MYO1E: variants seen among roughly 807,000 people sequenced by gnomAD.
The protein encoded by MYO1E is myosin IE.
A neutral mutation model predicts 151.1 loss-of-function variants in MYO1E; 68 were observed. The observed-to-expected ratio is 0.45, with a 90% CI of 0.37 to 0.55. MYO1E has a LOEUF of 0.55. Among genes scored for constraint, MYO1E ranks in the 20% least tolerant of loss-of-function variants. MYO1E has a pLI of 0.00. For synonymous variants in MYO1E, 601 were observed against 501.7 expected, an observed-to-expected ratio of 1.20 and a Z score of -2.64; for missense variants, 1,363 against 1,389.3, an observed-to-expected ratio of 0.98 and a Z score of 0.30.
At chr15:59,220,590 T>C (rs527557036) in intron 9 of MYO1E, among the ~76,000 whole-genome samples, 1 of 150,834 alleles carries the variant, frequency 6.6e-6, no homozygotes, top group African/African-American at 2.5e-5. Context: ...GAAAGTCTGC[T>C]TTTTTCCATT....
In MYO1E at chr15:59,282,769, G is replaced by A. The variant is rs115841328; in HGVS notation, c.4-10320C>T. On this transcript the variant is annotated intron_variant, in intron 1 of 27. Coordinates refer to ENST00000288235, the MANE Select transcript of MYO1E (RefSeq NM_004998.4). ...AGCCGGAGGCAGGAGGATCGCTTAA[G>A]CTCAGGAGGTCAAGGCTGCAGTGAG... is the stretch of plus-strand genomic sequence containing the variant. 6.8e-3 allele frequency among the ~76,000 whole-genome samples: 1,001 copies of A among 148,234 alleles called. 17 individuals are homozygous for A. Among genetic ancestry groups the A allele is most frequent in the African/African-American group, 0.024 (953 of 39,990 alleles).
chr15:59,370,577 A>C (rs186617899), intron 1 of MYO1E, among the ~76,000 whole-genome samples: 1 of 152,324 alleles, frequency 6.6e-6, no homozygotes, highest in East Asian at 1.9e-4. Context: ...GCCCATCAAT[A>C]GGGAAGTCAC....
rs138309966 is a variant in MYO1E at position 59,202,022 on chromosome 15, C to T, written c.1698+304G>A. Among the ~76,000 whole-genome samples the T allele has an allele frequency of 2.2e-4, 34 of 152,316 alleles. No individual in the cohort carries two copies. In the East Asian group the frequency reaches 6.6e-3, roughly 29 times the overall value. On this transcript the variant is annotated intron_variant, in intron 16 of 27. Transcript: ENST00000288235. Reference sequence around the variant, plus strand: ...ATGGCTCCGAACCATATTTCTCTGACAGTTTAACATAAATTCTTCCAGGTT... The same window carrying T: ...ATGGCTCCGAACCATATTTCTCTGATAGTTTAACATAAATTCTTCCAGGTT...
intron 25 of MYO1E, among the ~76,000 whole-genome samples, chr15:59,154,285 C>T (rs2140307274): frequency 6.6e-6 from 1 of 152,326 alleles, no homozygotes; most frequent in Non-Finnish European, 1.5e-5. Context: ...CTTGGGCATC[C>T]ACGGCAGGAG....
At chr15:59,263,349 C>G (rs1216535193) in intron 2 of MYO1E, among the ~76,000 whole-genome samples, 1 of 152,176 alleles carries the variant, frequency 6.6e-6, no homozygotes, top group East Asian at 1.9e-4. Context: ...GTGAGCACAG[C>G]ACATAGTAAT....
At chr15:59,141,494 G>A (rs2079408907) in intron 26 of MYO1E, among the ~76,000 whole-genome samples, 1 of 152,102 alleles carries the variant, frequency 6.6e-6, no homozygotes, top group Non-Finnish European at 1.5e-5. Context: ...ACAAGAAAAA[G>A]GCTTTTTAAA....
At chr15:59,300,501 T>C (rs991832341) in intron 1 of MYO1E, among the ~76,000 whole-genome samples, 6 of 152,152 alleles carry the variant, frequency 3.9e-5, no homozygotes, top group Non-Finnish European at 4.4e-5. Context: ...CCACTGCTAT[T>C]TCCCCACTCT....
chr15:59,252,952 G>A (rs865792238), intron 4 of MYO1E, among the ~76,000 whole-genome samples: 9 of 152,258 alleles, frequency 5.9e-5, no homozygotes, highest in African/African-American at 2.2e-4. Flanking sequence ...TGGATTCTAC[G>A]CAGGAAATAT....
At chr15:59,147,614 AAC>A (rs1555406812) in intron 26 of MYO1E, among the ~76,000 whole-genome samples, 2 of 151,162 alleles carry the variant, frequency 1.3e-5, no homozygotes, top group African/African-American at 4.9e-5. Context: ...AAAAAAAAAA[AAC>A]AATACAAAAA....
At chr15:59,248,601 T>C (rs1468933865) in intron 4 of MYO1E, among the ~76,000 whole-genome samples, 1 of 151,908 alleles carries the variant, frequency 6.6e-6, no homozygotes, top group African/African-American at 2.4e-5. Flanking sequence ...ACCCCAGGTG[T>C]TTATTCCTTA....
chr15:59,322,684 T>C (rs1251720855), intron 1 of MYO1E, among the ~76,000 whole-genome samples: 1 of 152,186 alleles, frequency 6.6e-6, no homozygotes, highest in Non-Finnish European at 1.5e-5. Context: ...TGAAATCTAA[T>C]AGAGTCCTGA....
intron 23 of MYO1E, among the ~76,000 whole-genome samples, chr15:59,162,905 G>C (rs763353933): frequency 1.3e-5 from 2 of 152,026 alleles, no homozygotes; most frequent in Non-Finnish European, 2.9e-5. Flanking sequence ...CCTCATTCAG[G>C]TGATTTTTGT....
At chr15:59,198,858 C>T (rs761660424) in intron 16 of MYO1E, among the ~76,000 whole-genome samples, 4 of 151,706 alleles carry the variant, frequency 2.6e-5, no homozygotes, top group Non-Finnish European at 4.4e-5. Context: ...AAAAAACCCC[C>T]AACCAATCCA....
intron 26 of MYO1E, among the ~76,000 whole-genome samples, chr15:59,139,791 G>T (rs1180542732): frequency 1.4e-5 from 2 of 143,086 alleles, no homozygotes; most frequent in Non-Finnish European, 3.0e-5. Flanking sequence ...ACTTCCCTCC[G>T]ACCTGCTCAT....
At chr15:59,316,583 T>A in intron 1 of MYO1E, among the ~76,000 whole-genome samples, 1 of 152,256 alleles carries the variant, frequency 6.6e-6, no homozygotes, top group East Asian at 1.9e-4. Flanking sequence ...CATACGCTTT[T>A]TTACATTTGT....
At chr15:59,290,922 T>G (rs1484987002) in intron 1 of MYO1E, among the ~76,000 whole-genome samples, 1 of 152,186 alleles carries the variant, frequency 6.6e-6, no homozygotes, top group Non-Finnish European at 1.5e-5. Context: ...GTAAAAATCA[T>G]TTTATGCAAG....
At chr15:59,179,194 C>T (rs1300980274) in intron 18 of MYO1E, among the ~76,000 whole-genome samples, 1 of 152,190 alleles carries the variant, frequency 6.6e-6, no homozygotes, top group East Asian at 1.9e-4. Flanking sequence ...ACTCATCACT[C>T]GGCTGGCTCC....
At chr15:59,279,162 C>A (rs1431043356) in intron 1 of MYO1E, among the ~76,000 whole-genome samples, 1 of 152,128 alleles carries the variant, frequency 6.6e-6, no homozygotes, top group Non-Finnish European at 1.5e-5. Context: ...ACTTCCTTTT[C>A]TCTGCTCTTT....
At chr15:59,333,348 T>G in intron 1 of MYO1E, among the ~76,000 whole-genome samples, 1 of 152,202 alleles carries the variant, frequency 6.6e-6, no homozygotes, top group East Asian at 1.9e-4. Context: ...CAAGTGATCC[T>G]CCACCACAGC....
Sources: allele counts gnomAD v4.1 joint callset (sites outside exome capture counted in the v4.1 genomes callset), GRCh38; gene constraint gnomAD v4.1.1; transcripts MANE v1.5; gene names NCBI Gene and HGNC (gene_info 2026-07-23, HGNC 2026-07-21).